The following RASGEF1C variants were observed in gnomAD, a reference collection of about 807,000 sequenced individuals.
The protein encoded by RASGEF1C is RasGEF domain family member 1C.
A neutral mutation model predicts 58.1 loss-of-function variants in RASGEF1C; 27 were observed. That is an observed-to-expected ratio of 0.46 (90% CI 0.34 to 0.64). The LOEUF is 0.64. RASGEF1C is among the 30% of genes least tolerant of loss of function. The pLI is 0.01. For missense variants in RASGEF1C, 502 were observed against 605.1 expected, an observed-to-expected ratio of 0.83 and a Z score of 1.79; for synonymous variants, 243 against 246.3, an observed-to-expected ratio of 0.99 and a Z score of 0.13.
chr5:180,165,932 G>A (rs1446078961), intron 1 of RASGEF1C, among the ~76,000 whole-genome samples: 1 of 151,358 alleles, frequency 6.6e-6, no homozygotes, highest in Non-Finnish European at 1.5e-5. Flanking sequence ...TGTATTTTTA[G>A]TAGAGATGGG....
chr5:180,164,343 T>G (rs951160484), intron 1 of RASGEF1C, among the ~76,000 whole-genome samples: 2 of 152,200 alleles, frequency 1.3e-5, no homozygotes, highest in African/African-American at 4.8e-5. Context: ...ATCTTCCTAA[T>G]GTAAGAATAC....
chr5:180,173,781 TGG>T (rs1554114619), intron 1 of RASGEF1C, among the ~76,000 whole-genome samples: 34 of 152,032 alleles, frequency 2.2e-4, no homozygotes, highest in East Asian at 3.9e-4. Context: ...GGCGTGGTGG[TGG>T]GCGCCTGTAA....
Position 180,105,934 on chromosome 5 carries a change from A to T in RASGEF1C, c.1304-3791T>A, listed in dbSNP as rs556292530. On this transcript the variant is annotated intron_variant, in intron 12 of 13. Coordinates refer to ENST00000361132, the MANE Select transcript of RASGEF1C (RefSeq NM_175062.4). ...CACAGTGACACTGACAGTTGATCTGATAGCTGAGGTGGCCACTAAGTGACT... is the reference window on the plus strand; with the variant it reads ...CACAGTGACACTGACAGTTGATCTGTTAGCTGAGGTGGCCACTAAGTGACT... 1.1e-4 allele frequency among the ~76,000 whole-genome samples: 16 copies of T among 152,276 alleles called. No individual in the cohort carries two copies. In the South Asian group the frequency reaches 3.3e-3, roughly 32 times the overall value.
chr5:180,103,436 A>G (rs965138950), intron 12 of RASGEF1C, among the ~76,000 whole-genome samples: 17 of 152,072 alleles, frequency 1.1e-4, no homozygotes, highest in Admixed American at 5.9e-4. Flanking sequence ...TTCCACCTAC[A>G]TATTTCATGT....
chr5:180,113,095 CTGGGGATGGA>C (rs201332655), intron 11 of RASGEF1C, among the ~76,000 whole-genome samples: 1 of 91,098 alleles, frequency 1.1e-5, no homozygotes, highest in African/African-American at 4.0e-5. Flanking sequence ...GACAGAGGGA[CTGGGGATGGA>C]CGGAGGGACC....
intron 1 of RASGEF1C, among the ~76,000 whole-genome samples, chr5:180,173,711 G>C (rs56022632): frequency 5.3e-5 from 8 of 152,178 alleles, no homozygotes; most frequent in African/African-American, 1.7e-4. Flanking sequence ...TCAGGAGTTT[G>C]AGACCAGCCT....
chr5:180,120,766 T>C (rs1161625436), intron 7 of RASGEF1C, among the ~76,000 whole-genome samples: 2 of 152,124 alleles, frequency 1.3e-5, no homozygotes, highest in East Asian at 3.9e-4. Flanking sequence ...CCGGCACAGA[T>C]GGAGAGAGCA....
intron 1 of RASGEF1C, among the ~76,000 whole-genome samples, chr5:180,141,943 C>T (rs567907866): frequency 6.6e-6 from 1 of 152,268 alleles, no homozygotes; most frequent in East Asian, 1.9e-4. Context: ...CTCCTGACCT[C>T]ATATCACACT....
At chr5:180,174,599 TGTGC>T (rs1255750164) in intron 1 of RASGEF1C, among the ~76,000 whole-genome samples, 18 of 137,648 alleles carry the variant, frequency 1.3e-4, no homozygotes, top group Non-Finnish European at 1.9e-4. Flanking sequence ...TGTGTGTGTG[TGTGC>T]ACGCATGTGT....
chr5:180,191,562 T>G (rs915363783), intron 1 of RASGEF1C, among the ~76,000 whole-genome samples: 2 of 151,934 alleles, frequency 1.3e-5, no homozygotes, highest in African/African-American at 2.4e-5. Context: ...TTCACCGTGT[T>G]AGCCAGGATG....
chr5:180,173,500 C>T (rs1366441336), intron 1 of RASGEF1C, among the ~76,000 whole-genome samples: 1 of 152,238 alleles, frequency 6.6e-6, no homozygotes, highest in Admixed American at 6.5e-5. Flanking sequence ...GGGCCATTTC[C>T]TTCTAGCTGG....
At chr5:180,154,330 G>C (rs951864606) in intron 1 of RASGEF1C, among the ~76,000 whole-genome samples, 1 of 152,110 alleles carries the variant, frequency 6.6e-6, no homozygotes, top group Non-Finnish European at 1.5e-5. Flanking sequence ...CTGTTTCCAA[G>C]GCTCCTGGGT....
chr5:180,138,168 A>T, intron 1 of RASGEF1C, 110 bp from the exon 2 acceptor site: 1 of 623,766 alleles, frequency 1.6e-6, no homozygotes, highest in Non-Finnish European at 2.6e-6. Context: ...CTCCCCCCAC[A>T]GCCACTTTGT....
chr5:180,202,522 G>GA lies in RASGEF1C; in HGVS notation c.-7+6505dup, dbSNP rs1477840351. Among the ~76,000 whole-genome samples, 3 of 152,102 alleles carry GA rather than the reference G, an allele frequency of 2.0e-5. No homozygotes were observed. In the East Asian group the frequency reaches 5.8e-4, roughly 29 times the overall value. On this transcript the variant is annotated intron_variant, in intron 1 of 13. Coordinates refer to ENST00000361132, the MANE Select transcript of RASGEF1C (RefSeq NM_175062.4). Reference sequence around the variant, plus strand: ...ACAATCAAGTCACTTACAAAGGAAAGAAAGGCATGTTTATATCAGACATCT... The same window carrying GA: ...ACAATCAAGTCACTTACAAAGGAAAGAAAAGGCATGTTTATATCAGACATCT...
chr5:180,180,016 A>G (rs533059124), intron 1 of RASGEF1C, among the ~76,000 whole-genome samples: 3 of 152,360 alleles, frequency 2.0e-5, no homozygotes, highest in East Asian at 3.9e-4. Flanking sequence ...GGTGGAGTGC[A>G]GTGATGGAGC....
At chr5:180,122,455 G>A (rs1766191766) in intron 6 of RASGEF1C, among the ~76,000 whole-genome samples, 1 of 152,152 alleles carries the variant, frequency 6.6e-6, no homozygotes, top group Non-Finnish European at 1.5e-5. Flanking sequence ...AAACTGCCAG[G>A]GTAGGCCAAG....
intron 1 of RASGEF1C, among the ~76,000 whole-genome samples, chr5:180,139,803 C>T (rs1195877661): frequency 6.6e-6 from 1 of 152,206 alleles, no homozygotes; most frequent in African/African-American, 2.4e-5. Flanking sequence ...GCTGCTCTGC[C>T]TCCTGCCCAG....
intron 1 of RASGEF1C, among the ~76,000 whole-genome samples, chr5:180,167,974 T>C (rs1767045904): frequency 1.3e-5 from 2 of 152,226 alleles, no homozygotes; most frequent in African/African-American, 4.8e-5. Context: ...GGTATTTAAA[T>C]TCGTGTGCTA....
At chr5:180,138,378 C>T (rs1766523678) in intron 1 of RASGEF1C, 1 of 247,530 alleles carries the variant, frequency 4.0e-6, no homozygotes, top group South Asian at 1.7e-4. Context: ...TTGTTTTTCA[C>T]AAGCCTGGAT....
Sources: allele counts gnomAD v4.1 joint callset (sites outside exome capture counted in the v4.1 genomes callset), GRCh38; gene constraint gnomAD v4.1.1; transcripts MANE v1.5; gene names NCBI Gene and HGNC (gene_info 2026-07-23, HGNC 2026-07-21).